YES1: variants seen among roughly 807,000 people sequenced by gnomAD.
YES1 encodes the protein tyrosine-protein kinase Yes.
YES1 carries 39 observed loss-of-function variants against 70.4 expected under a neutral mutation model. The ratio of observed to expected loss-of-function variants is 0.55; its 90% CI spans 0.43 to 0.72. YES1 has a LOEUF of 0.72. Among genes scored for constraint, YES1 ranks in the 30% least tolerant of loss-of-function variants. The pLI is 0.00. For synonymous variants in YES1, 198 were observed against 218.6 expected (o/e 0.91, Z 0.83); for missense variants, 495 against 644.8 (o/e 0.77, Z 2.52).
At chr18:733,833 A>G (rs1317531291) in intron 10 of YES1, among the ~76,000 whole-genome samples, 1 of 150,672 alleles carries the variant, frequency 6.6e-6, no homozygotes, top group Non-Finnish European at 1.5e-5. Flanking sequence ...TGAAGTTTAT[A>G]AACTTATTGC....
intron 1 of YES1, among the ~76,000 whole-genome samples, chr18:802,985 T>C (rs1338908553): frequency 6.6e-6 from 1 of 150,736 alleles, no homozygotes; most frequent in East Asian, 2.0e-4. Context: ...CCCAGCACTT[T>C]GGGAGGCCGA....
intron 11 of YES1, among the ~76,000 whole-genome samples, chr18:729,837 G>A (rs1425286433): frequency 6.6e-6 from 1 of 152,052 alleles, no homozygotes; most frequent in African/African-American, 2.4e-5. Flanking sequence ...ATCTTGGCCA[G>A]GCTGGTCTCA....
chr18:746,583 T>A (rs1292673333), intron 4 of YES1, among the ~76,000 whole-genome samples: 1 of 152,060 alleles, frequency 6.6e-6, no homozygotes, highest in Non-Finnish European at 1.5e-5. Flanking sequence ...AAACAAAAAG[T>A]AAGAAGCACC....
At chr18:757,334 T>C (rs1234134713) in intron 1 of YES1, among the ~76,000 whole-genome samples, 3 of 151,308 alleles carry the variant, frequency 2.0e-5, no homozygotes, top group African/African-American at 4.9e-5. Context: ...AAACCCCGCC[T>C]CTACTAAAAA....
intron 3 of YES1, among the ~76,000 whole-genome samples, chr18:750,109 T>C (rs963218714): frequency 1.3e-5 from 2 of 152,244 alleles, no homozygotes; most frequent in Middle Eastern, 3.2e-3. Context: ...TAAAATGTTA[T>C]AAATGCCTAG....
chr18:731,352 G>C lies in YES1; in HGVS notation c.1423+1482C>G, dbSNP rs116408336. Among the ~76,000 whole-genome samples, 428 of 152,230 alleles carry C rather than the reference G, an allele frequency of 2.8e-3. 2 individuals are homozygous for C. The highest frequency in any genetic ancestry group is 9.8e-3 in the African/African-American group (407 of 41,546). ...AAGACAGGAGAGGAGTTTTGTTGGA[G>C]AGGACAATGGTGAGTCATTAAATGA... On this transcript the variant is annotated intron_variant, in intron 11 of 11. Coordinates refer to ENST00000314574, the MANE Select transcript of YES1 (RefSeq NM_005433.4).
chr18:808,545 T>G (rs923670271), intron 1 of YES1, among the ~76,000 whole-genome samples: 2 of 152,238 alleles, frequency 1.3e-5, no homozygotes, highest in Non-Finnish European at 2.9e-5. Context: ...TGTTTAAATG[T>G]GAACTGAAGG....
At chr18:791,803 C>T (rs545502265) in intron 1 of YES1, among the ~76,000 whole-genome samples, 2 of 152,140 alleles carry the variant, frequency 1.3e-5, no homozygotes, top group African/African-American at 4.8e-5. Flanking sequence ...GTCTGTAATC[C>T]CAGCACTTTG....
intron 11 of YES1, among the ~76,000 whole-genome samples, chr18:726,555 G>A (rs957883329): frequency 9.2e-5 from 14 of 151,660 alleles, no homozygotes; most frequent in South Asian, 2.1e-4. Flanking sequence ...CTGAGTGGGC[G>A]GATCACCTGA....
chr18:806,200 T>G (rs1487742738), intron 1 of YES1, among the ~76,000 whole-genome samples: 5 of 152,216 alleles, frequency 3.3e-5, no homozygotes, highest in Non-Finnish European at 7.3e-5. Context: ...TTTTTAAAAA[T>G]CTAGGATTTT....
chr18:757,829 AT>A (rs1904374401), intron 1 of YES1, among the ~76,000 whole-genome samples: 1 of 152,042 alleles, frequency 6.6e-6, no homozygotes, highest in Non-Finnish European at 1.5e-5. Flanking sequence ...CTCAAAAAAA[AT>A]AAAAAATAAA....
intron 1 of YES1, among the ~76,000 whole-genome samples, chr18:757,806 A>G (rs1348656951): frequency 6.6e-6 from 1 of 152,020 alleles, no homozygotes; most frequent in Non-Finnish European, 1.5e-5. Context: ...TGGGTGACAG[A>G]GTAAGACTCT....
intron 2 of YES1, 54 bp from the exon 3 acceptor site, chr18:751,858 G>T: frequency 7.6e-6 from 7 of 926,458 alleles, no homozygotes; most frequent in East Asian, 2.8e-5. Flanking sequence ...TAACAAAACA[G>T]AAAAAAAGAA....
chr18:788,772 A>T (rs1002815184), intron 1 of YES1, among the ~76,000 whole-genome samples: 5 of 152,124 alleles, frequency 3.3e-5, no homozygotes, highest in East Asian at 1.9e-4. Flanking sequence ...ATATTTTTTT[A>T]AAAATTAGCC....
chr18:756,288 G>A (rs1261757033), intron 2 of YES1, among the ~76,000 whole-genome samples: 1 of 150,528 alleles, frequency 6.6e-6, no homozygotes, highest in Non-Finnish European at 1.5e-5. Context: ...ACAGTGGGGG[G>A]GGGCTCAATA....
At chr18:809,975 C>T (rs1467440169) in intron 1 of YES1, among the ~76,000 whole-genome samples, 1 of 151,500 alleles carries the variant, frequency 6.6e-6, no homozygotes, top group East Asian at 1.9e-4. Context: ...GTATTCTATG[C>T]TTCTATTTTT....
At chr18:786,950 C>A (rs948454692) in intron 1 of YES1, among the ~76,000 whole-genome samples, 1 of 151,790 alleles carries the variant, frequency 6.6e-6, no homozygotes, top group Non-Finnish European at 1.5e-5. Flanking sequence ...ATGGTTCAGT[C>A]TTTGATTAGG....
At chr18:745,502 T>A (rs1231722918) in intron 6 of YES1, among the ~76,000 whole-genome samples, 1 of 152,194 alleles carries the variant, frequency 6.6e-6, no homozygotes, top group Non-Finnish European at 1.5e-5. Context: ...ACCCAAATGA[T>A]GAGAGTCTAT....
chr18:806,028 A>AC (rs1907079684), intron 1 of YES1, among the ~76,000 whole-genome samples: 1 of 152,028 alleles, frequency 6.6e-6, no homozygotes, highest in African/African-American at 2.4e-5. Flanking sequence ...TTCCGTCCTC[A>AC]CCCCCAATAA....
Sources: gnomAD v4.1 joint callset for allele counts (sites outside exome capture counted in the v4.1 genomes callset) on GRCh38, gnomAD v4.1.1 for gene constraint, MANE v1.5 for transcripts, NCBI Gene and HGNC (gene_info 2026-07-23, HGNC 2026-07-21) for gene names.